The following PARP6 variants were observed in gnomAD, a reference collection of about 807,000 sequenced individuals.
The protein encoded by PARP6 is poly(ADP-ribose) polymerase family member 6, also known as protein mono-ADP-ribosyltransferase PARP6.
PARP6 carries 27 observed loss-of-function variants against 92.0 expected under a neutral mutation model. The ratio of observed to expected loss-of-function variants is 0.29; its 90% CI spans 0.22 to 0.40. The LOEUF is 0.40. Ranked by LOEUF, PARP6 falls within the 10% of genes least tolerant of loss-of-function variation. PARP6 has a pLI of 1.00. For synonymous variants in PARP6, 272 were observed against 281.2 expected (o/e 0.97, Z 0.33); for missense variants, 501 against 784.5 (o/e 0.64, Z 4.32).
rs949226019 is a variant in PARP6 at position 72,271,028 on chromosome 15, A to C, written c.-200T>G. On this transcript the variant is annotated 5_prime_UTR_variant, in exon 2 of 24. Coordinates refer to ENST00000569795, the MANE Select transcript of PARP6 (RefSeq NM_001323532.2). ...TTTAAAAAGCAAAACTTCACCTTCA[A>C]GAGCAGCTGAGATCCAGAATGTGAA... 1.3e-5 allele frequency: 2 copies of C among 152,222 alleles called. No homozygotes were observed. Among genetic ancestry groups the C allele is most frequent in the Non-Finnish European group, 2.9e-5 (2 of 68,030 alleles). 9.4% of individuals were successfully genotyped at this position (152,222 alleles called of 1,614,324 possible).
intron 14 of PARP6, among the ~76,000 whole-genome samples, chr15:72,255,854 T>C (rs563601975): frequency 7.3e-6 from 1 of 136,600 alleles, no homozygotes; most frequent in African/African-American, 2.7e-5. Context: ...TGGAGTGCAG[T>C]AGTACAATCT....
chr15:72,256,442 CCTGA>C lies in PARP6; in HGVS notation c.1125+19_1125+22del. 1 of 1,516,618 alleles carries C rather than the reference CCTGA, an allele frequency of 6.6e-7. No homozygotes were observed. Among genetic ancestry groups the C allele is most frequent in the Non-Finnish European group, 8.8e-7 (1 of 1,135,688 alleles). The allele number at this position is 1,516,618 out of a possible 1,614,324, so 93.9% of individuals were successfully genotyped here. On this transcript the variant is annotated intron_variant, in intron 14 of 23. Transcript: ENST00000569795. The stretch of plus-strand genomic sequence containing the variant: ...TCTTTTATCATTTCTGTTCCTTAGC[CCTGA>C]CTTTCTCAAGTAACATACCTTAGGG...
chr15:72,261,655 A>G lies in PARP6; in HGVS notation c.448T>C (p.Leu150=). 3.1e-6 allele frequency: 5 copies of G among 1,614,064 alleles called. No homozygotes were observed. The highest frequency in any genetic ancestry group is 4.2e-6 in the Non-Finnish European group (5 of 1,179,910). Residue 150 remains leucine (L), a synonymous_variant, in exon 9 of 24, where the codon TTG becomes CTG. Coordinates refer to ENST00000569795, the MANE Select transcript of PARP6 (RefSeq NM_001323532.2). ...TGCCTCTTCTCCTGCTGGGTCTTCAAGAAATCATTGCTCAGATGTTTCCAT... is the reference window on the plus strand; with the variant it reads ...TGCCTCTTCTCCTGCTGGGTCTTCAGGAAATCATTGCTCAGATGTTTCCAT... ...QQWKHLSNDF[L]KTQQEKRHSW...
chr15:72,253,591 C>G (rs1341292706), intron 15 of PARP6, 87 bp from the exon 16 acceptor site: 3 of 1,137,652 alleles, frequency 2.6e-6, no homozygotes, highest in Non-Finnish European at 2.6e-6. Context: ...TATTAGGGTC[C>G]AGGGCAAGGT....
chr15:72,249,539 T>C (rs1443725125), intron 19 of PARP6, among the ~76,000 whole-genome samples: 2 of 152,212 alleles, frequency 1.3e-5, no homozygotes, highest in African/African-American at 4.8e-5. Context: ...TGGGAAATGG[T>C]AGAACCACTG....
At chr15:72,259,430 T>C (rs1254660347) in intron 11 of PARP6, among the ~76,000 whole-genome samples, 178 bp downstream of exon 11, 1 of 152,242 alleles carries the variant, frequency 6.6e-6, no homozygotes, top group African/African-American at 2.4e-5. Flanking sequence ...AAGTATTGTC[T>C]TTCTAGTAAT....
intron 12 of PARP6, among the ~76,000 whole-genome samples, chr15:72,257,777 C>T (rs1182497413): frequency 6.6e-6 from 1 of 152,234 alleles, no homozygotes; most frequent in African/African-American, 2.4e-5. Context: ...AGGACAGCAT[C>T]ATATCCAATC....
chr15:72,261,710 G>C lies in PARP6; in HGVS notation c.396-3C>G, dbSNP rs2141047868. ...GGGATGTAAACATACCCAGGATCCT[G>C]AGGGATCAAAAAGAATGAGCTTAGG... is the stretch of plus-strand genomic sequence containing the variant. On this transcript the variant is annotated splice_region_variant and splice_polypyrimidine_tract_variant and intron_variant, in intron 8 of 23. Transcript: ENST00000569795. 1.2e-6 allele frequency: 2 copies of C among 1,613,776 alleles called. No homozygotes were observed. Among genetic ancestry groups the C allele is most frequent in the Middle Eastern group, 1.7e-4 (1 of 6,060 alleles).
At position 72,249,385 on chromosome 15, in the gene PARP6, A is replaced by G. The variant is rs2084043631; in HGVS notation, c.1492-71T>C. The G allele has an allele frequency of 4.9e-6, 4 of 816,664 alleles. No homozygotes were observed. The African/African-American group carries it at 6.7e-5, about 14-fold the overall frequency. The allele number at this position is 816,664 out of a possible 1,614,324, so 50.6% of individuals were successfully genotyped here. On this transcript the variant is annotated intron_variant, in intron 19 of 23. Transcript: ENST00000569795. ...CATGGCTATTTATTAGGCAGCAGCA[A>G]GGCTTATCCAGCCCTCTGTCCCTCC...
At chr15:72,269,855 C>A (rs577151577) in intron 2 of PARP6, among the ~76,000 whole-genome samples, 1 of 145,102 alleles carries the variant, frequency 6.9e-6, no homozygotes, top group African/African-American at 2.6e-5. Context: ...GCCAAGACTG[C>A]GCCATTGCAC....
At chr15:72,243,644 G>C (rs1176125101) in intron 20 of PARP6, 1 of 152,132 alleles carries the variant, frequency 6.6e-6, no homozygotes, top group Non-Finnish European at 1.5e-5. Context: ...ATGTGCTTGT[G>C]TGCTCCCACT....
intron 15 of PARP6, chr15:72,254,050 C>T (rs756652963): frequency 1.5e-5 from 7 of 464,450 alleles, no homozygotes; most frequent in Admixed American, 1.2e-4. Flanking sequence ...ATGGTCACCG[C>T]TCCATGTGGC....
At chr15:72,259,781 C>T (rs374675699) in intron 10 of PARP6, 120 bp from the exon 11 acceptor site, 42 of 822,730 alleles carry the variant, frequency 5.1e-5, no homozygotes, top group African/African-American at 2.4e-4. Flanking sequence ...CTCAGAATCC[C>T]GAAGCTAGAA....
At chr15:72,262,302 TCTTC>T (rs1240192100) in intron 8 of PARP6, among the ~76,000 whole-genome samples, 1 of 152,160 alleles carries the variant, frequency 6.6e-6, no homozygotes, top group East Asian at 1.9e-4. Context: ...CAAAAACCTC[TCTTC>T]CTTCTTAAGC....
Position 72,265,914 on chromosome 15 carries a change from C to T in PARP6, c.159G>A (p.Glu53=). The T allele has an allele frequency of 6.2e-7, 1 of 1,612,698 alleles. No homozygotes were observed. Among genetic ancestry groups the T allele is most frequent in the South Asian group, 1.1e-5 (1 of 91,064 alleles). The change falls in exon 5 of 24, where the codon GAG becomes GAA. Residue 53 remains glutamate (E), a synonymous_variant. Coordinates refer to ENST00000569795, the MANE Select transcript of PARP6 (RefSeq NM_001323532.2). ...AGTCCCACCTGATGGATACAGAGTT[C>T]TCACTGTAGATCTCCTTCACGGCTT... ...DIEAVKEIYS[E]NSVSIREYGT... is the part of the protein sequence containing the mutation.
At chr15:72,261,758 A>G in intron 8 of PARP6, 51 bp from the exon 9 acceptor site, 2 of 1,567,418 alleles carry the variant, frequency 1.3e-6, no homozygotes, top group Middle Eastern at 1.7e-4. Context: ...GGGTCAAGAA[A>G]TAAGGACTAA....
At position 72,242,748 on chromosome 15, in the gene PARP6, T is replaced by C. The variant is rs1436016216; in HGVS notation, c.1562-49A>G. 2 of 1,183,104 alleles carry C rather than the reference T, an allele frequency of 1.7e-6. No homozygotes were observed. The highest frequency in any genetic ancestry group is 3.0e-5 in the African/African-American group (2 of 66,328). 73.3% of individuals were successfully genotyped at this position (1,183,104 alleles called of 1,614,324 possible). A position where few individuals can be genotyped will look rare whatever the true frequency, so the allele number is the denominator to read the frequency against. On this transcript the variant is annotated intron_variant, in intron 20 of 23. Coordinates refer to ENST00000569795, the MANE Select transcript of PARP6 (RefSeq NM_001323532.2). This position sits in a 1 kb window ranked among gnomAD's most constrained non-coding sequence, Gnocchi z 4.3. ...TTCATTTATCAAAAATTTACGAAAG[T>C]GCCTACTATGTCCCAGCACTGAGCT...
intron 16 of PARP6, 25 bp downstream of exon 16, chr15:72,253,412 G>T (rs373203669): frequency 6.7e-5 from 107 of 1,586,256 alleles, no homozygotes; most frequent in Non-Finnish European, 8.6e-5. Context: ...CATAACCCAA[G>T]AAGGATGAGC....
At chr15:72,266,886 G>C in intron 3 of PARP6, 64 bp from the exon 4 acceptor site, 1 of 1,224,674 alleles carries the variant, frequency 8.2e-7, no homozygotes, top group Non-Finnish European at 1.2e-6. Context: ...GAAAGGCGTG[G>C]GATGATATGG....
Sources: gnomAD v4.1 joint callset for allele counts (sites outside exome capture counted in the v4.1 genomes callset) on GRCh38, gnomAD v4.1.1 for gene constraint, Gnocchi (gnomAD v3.1) non-coding constraint, MANE v1.5 for transcripts, NCBI Gene and HGNC (gene_info 2026-07-23, HGNC 2026-07-21) for gene names.